The following STK33 variants were observed in gnomAD, a reference collection of about 807,000 sequenced individuals.
STK33 encodes the protein serine/threonine-protein kinase 33.
In STK33, 52 loss-of-function variants were observed where a neutral mutation model predicts 58.0. The ratio of observed to expected loss-of-function variants is 0.90; its 90% CI spans 0.72 to 1.13. STK33 has a LOEUF of 1.13. Among genes scored for constraint, STK33 ranks in the 50% most tolerant of loss-of-function variants. STK33 has a pLI of 0.00. For synonymous variants in STK33, 215 were observed against 200.1 expected, an observed-to-expected ratio of 1.07 and a Z score of -0.63; for missense variants, 630 against 604.2, an observed-to-expected ratio of 1.04 and a Z score of -0.45.
At chr11:8,491,229 C>G (rs1950586275) in intron 1 of STK33, among the ~76,000 whole-genome samples, 3 of 152,140 alleles carry the variant, frequency 2.0e-5, no homozygotes, top group Non-Finnish European at 4.4e-5. Flanking sequence ...CTAGAATAAA[C>G]AGTGTAGAAA....
the STK33 span, among the ~76,000 whole-genome samples, chr11:8,378,933 T>C: frequency 6.6e-6 from 1 of 152,128 alleles, no homozygotes; most frequent in Non-Finnish European, 1.5e-5. Flanking sequence ...GTGGTACCAG[T>C]ATAAAAGTAG....
At chr11:8,557,224 G>T (rs9704807) in intron 1 of STK33, among the ~76,000 whole-genome samples, 2 of 63,726 alleles carry the variant, frequency 3.1e-5, no homozygotes, top group Non-Finnish European at 6.5e-5. Context: ...GCACTCCACC[G>T]TAGGCAACAG....
chr11:8,477,517 G>A (rs1183989016), intron 2 of STK33, among the ~76,000 whole-genome samples: 8 of 152,046 alleles, frequency 5.3e-5, no homozygotes, highest in Non-Finnish European at 2.9e-5. Context: ...TATTCGTAAC[G>A]TACAGGTTTA....
rs974563003 is a variant in STK33, at chr11:8,511,690, G to T, written c.-465-31076C>A. ...TTGTTGAGAGTTTTTATCATAAAGA[G>T]ATGCTGGATTTTATCAAATGCTTTT... is the stretch of plus-strand genomic sequence containing the variant. On this transcript the variant is annotated intron_variant, in intron 1 of 15. Coordinates refer to ENST00000687296, the MANE Select transcript of STK33 (RefSeq NM_001352389.2). Among the ~76,000 whole-genome samples the T allele has an allele frequency of 3.3e-5, 5 of 152,146 alleles. No homozygotes were observed. In the South Asian group the frequency reaches 1.0e-3, roughly 31 times the overall value.
At chr11:8,447,554 G>A (rs907687030) in intron 11 of STK33, among the ~76,000 whole-genome samples, 1 of 152,150 alleles carries the variant, frequency 6.6e-6, no homozygotes, top group African/African-American at 2.4e-5. Context: ...TATCTCAATA[G>A]ATGCAGAAAA....
In STK33 at chr11:8,487,059, G is replaced by A. The variant is rs575320575; in HGVS notation, c.-465-6445C>T. On this transcript the variant is annotated intron_variant, in intron 1 of 15. Transcript: ENST00000687296. ...TTTGTCTTAATTACACCAAAATGGA[G>A]TTGTAAGAGGTAGTGGATATTTAGG... Among the ~76,000 whole-genome samples, 317 of 152,282 alleles carry A rather than the reference G, an allele frequency of 2.1e-3. 1 individual carries two copies. The highest frequency in any genetic ancestry group is 6.9e-3 in the African/African-American group (287 of 41,564).
chr11:8,433,555 C>T (rs1433828068), intron 14 of STK33, among the ~76,000 whole-genome samples: 4 of 152,090 alleles, frequency 2.6e-5, no homozygotes, highest in Non-Finnish European at 5.9e-5. Flanking sequence ...TTGATATCAC[C>T]ACTTGGATGC....
intron 2 of STK33, among the ~76,000 whole-genome samples, chr11:8,477,963 C>T (rs1949438935): frequency 6.6e-6 from 1 of 152,154 alleles, no homozygotes; most frequent in African/African-American, 2.4e-5. Flanking sequence ...CACAGCAATT[C>T]TAAAACAACA....
chr11:8,580,398 C>T (rs1310717435), intron 1 of STK33, among the ~76,000 whole-genome samples: 1 of 150,338 alleles, frequency 6.7e-6, no homozygotes. Flanking sequence ...TCTCACTATT[C>T]GTGGGATCTA....
chr11:8,540,994 C>CTATA (rs373430294), intron 1 of STK33, among the ~76,000 whole-genome samples: 144 of 130,524 alleles, frequency 1.1e-3, no homozygotes, highest in African/African-American at 3.3e-3. Context: ...CTCTCTCTCT[C>CTATA]TATATATATA....
At chr11:8,552,290 T>C (rs1347800449) in intron 1 of STK33, among the ~76,000 whole-genome samples, 1 of 152,178 alleles carries the variant, frequency 6.6e-6, no homozygotes, top group Non-Finnish European at 1.5e-5. Context: ...TTTCTCAGCT[T>C]CTCCTCCAAG....
chr11:8,453,378 TCC>T (rs1946507524), intron 10 of STK33, among the ~76,000 whole-genome samples: 1 of 152,174 alleles, frequency 6.6e-6, no homozygotes, highest in Admixed American at 6.5e-5. Context: ...ACTGAAACTC[TCC>T]TTTTTTATAA....
intron 1 of STK33, among the ~76,000 whole-genome samples, chr11:8,497,843 A>C (rs553874387): frequency 6.6e-6 from 1 of 152,342 alleles, no homozygotes; most frequent in Non-Finnish European, 1.5e-5. Context: ...ACTTTCAAAA[A>C]TAAAGTGATT....
At chr11:8,400,954 C>T (rs1937779137) in intron 15 of STK33, among the ~76,000 whole-genome samples, 1 of 151,962 alleles carries the variant, frequency 6.6e-6, no homozygotes, top group Non-Finnish European at 1.5e-5. Context: ...AACCACTGCT[C>T]AATGAAATAA....
At chr11:8,526,311 G>T (rs975748948) in intron 1 of STK33, among the ~76,000 whole-genome samples, 1 of 151,740 alleles carries the variant, frequency 6.6e-6, no homozygotes, top group Admixed American at 6.6e-5. Flanking sequence ...AGAATCGCTT[G>T]AACCCAGGAG....
the STK33 span, among the ~76,000 whole-genome samples, chr11:8,336,887 C>T: frequency 2.6e-5 from 4 of 152,222 alleles, no homozygotes; most frequent in Non-Finnish European, 4.4e-5. Context: ...CCACACCTGG[C>T]CACTAAGCCC....
intron 1 of STK33, among the ~76,000 whole-genome samples, chr11:8,492,591 G>C (rs561290602): frequency 1.3e-5 from 2 of 152,240 alleles, no homozygotes; most frequent in South Asian, 2.1e-4. Context: ...TGTGCACCAA[G>C]CCAACTAAAT....
At chr11:8,369,160 T>C in the STK33 span, among the ~76,000 whole-genome samples, 1 of 152,228 alleles carries the variant, frequency 6.6e-6, no homozygotes, top group Non-Finnish European at 1.5e-5. Context: ...TCATATTCAT[T>C]GAGAGAGAAA....
rs1942896825 is a variant in STK33, at chr11:8,427,370, T to C, written c.1146+8124A>G. ...TCTTGTTCTTTTTTATATGATCTGC[T>C]CATTCTCTCTGGGAGCTTTTAGAAT... On this transcript the variant is annotated intron_variant, in intron 14 of 15. Transcript: ENST00000687296. Among the ~76,000 whole-genome samples the C allele has an allele frequency of 1.3e-5, 2 of 152,190 alleles. 1 individual carries two copies. The highest frequency in any genetic ancestry group is 4.1e-4 in the South Asian group (2 of 4,836).
Sources: gnomAD v4.1 joint callset for allele counts (sites outside exome capture counted in the v4.1 genomes callset) on GRCh38, gnomAD v4.1.1 for gene constraint, MANE v1.5 for transcripts, NCBI Gene and HGNC (gene_info 2026-07-23, HGNC 2026-07-21) for gene names.